Variants in NXPE4 observed in about 807,000 individuals in gnomAD.
The protein encoded by NXPE4 is NXPE family member 4.
In NXPE4, 42 loss-of-function variants were observed where a neutral mutation model predicts 33.3. The observed-to-expected ratio is 1.26, with a 90% CI of 0.98 to 1.63. The LOEUF is 1.63. NXPE4 is among the 40% of genes most tolerant of loss of function. The pLI is 0.00. For synonymous variants in NXPE4, 253 were observed against 234.9 expected (o/e 1.08, Z -0.71); for missense variants, 709 against 647.6 (o/e 1.09, Z -1.03).
At chr11:114,588,868 A>G (rs535021115) in intron 2 of NXPE4, among the ~76,000 whole-genome samples, 1 of 152,302 alleles carries the variant, frequency 6.6e-6, no homozygotes, top group African/African-American at 2.4e-5. Context: ...CAAGTTTATT[A>G]CACAGGCAGC....
At chr11:114,675,424 A>G in the NXPE4 span, among the ~76,000 whole-genome samples, 1 of 151,836 alleles carries the variant, frequency 6.6e-6, no homozygotes, top group Non-Finnish European at 1.5e-5. Flanking sequence ...CTCCACCAAA[A>G]AACTGTTAGA....
At chr11:114,583,934 C>T in intron 2 of NXPE4, 1 of 391,382 alleles carries the variant, frequency 2.6e-6, no homozygotes, top group East Asian at 5.9e-5. Flanking sequence ...TAACTATCTG[C>T]TCCTAGATGG....
intron 2 of NXPE4, among the ~76,000 whole-genome samples, chr11:114,588,078 T>A (rs77403357): frequency 0.085 from 12,859 of 152,158 alleles, 673 homozygotes; most frequent in Middle Eastern, 0.2. Context: ...CTTTCAGCAG[T>A]CATATCAGGA....
the NXPE4 span, among the ~76,000 whole-genome samples, chr11:114,640,998 T>C: frequency 2.6e-5 from 4 of 151,984 alleles, no homozygotes; most frequent in East Asian, 1.9e-4. Context: ...ATCAACATCA[T>C]TGGAGAATGA....
chr11:114,635,161 C>T, the NXPE4 span, among the ~76,000 whole-genome samples: 4 of 150,506 alleles, frequency 2.7e-5, no homozygotes, highest in African/African-American at 9.8e-5. Context: ...TTGTAGTTCT[C>T]CTTGAAGAGT....
At chr11:114,617,404 G>A in the NXPE4 span, among the ~76,000 whole-genome samples, 898 of 151,884 alleles carry the variant, frequency 5.9e-3, 3 homozygotes, top group African/African-American at 0.02. Context: ...GTATTGCCTC[G>A]TGGGTAACCA....
intron 2 of NXPE4, chr11:114,583,256 G>T: frequency 1.5e-6 from 1 of 667,814 alleles, no homozygotes; most frequent in African/African-American, 1.8e-5. Flanking sequence ...GAGCAAGATG[G>T]CGCAAAGGCA....
intron 2 of NXPE4, 56 bp downstream of exon 2, chr11:114,594,608 T>C: frequency 9.0e-7 from 1 of 1,113,868 alleles, no homozygotes; most frequent in Non-Finnish European, 1.4e-6. Context: ...CTAGAACAGA[T>C]GAGGTAATAA....
the NXPE4 span, among the ~76,000 whole-genome samples, chr11:114,620,067 G>A: frequency 1.3e-5 from 2 of 151,878 alleles, no homozygotes; most frequent in African/African-American, 4.8e-5. Context: ...CTGTTACCTG[G>A]TGTATAATAA....
chr11:114,585,264 T>C (rs947370898), intron 2 of NXPE4, among the ~76,000 whole-genome samples: 9 of 151,926 alleles, frequency 5.9e-5, no homozygotes, highest in East Asian at 2.0e-4. Context: ...TTTGAGATAC[T>C]ATTTTTATTT....
the NXPE4 span, among the ~76,000 whole-genome samples, chr11:114,619,070 A>G: frequency 2.6e-5 from 4 of 151,952 alleles, no homozygotes; most frequent in African/African-American, 9.7e-5. Context: ...CTGGTGGATA[A>G]TAAGTATTGC....
chr11:114,574,023 C>G (rs1948946391), intron 5 of NXPE4, among the ~76,000 whole-genome samples: 2 of 151,986 alleles, frequency 1.3e-5, no homozygotes, highest in Admixed American at 6.6e-5. Flanking sequence ...TCTCAGACCA[C>G]AGTGGAATAA....
At chr11:114,659,645 T>C in the NXPE4 span, among the ~76,000 whole-genome samples, 1 of 152,064 alleles carries the variant, frequency 6.6e-6, no homozygotes, top group Non-Finnish European at 1.5e-5. Flanking sequence ...GAAAATAATA[T>C]ATCAAAATAT....
At chr11:114,595,175 A>G (rs1195740009) in intron 1 of NXPE4, among the ~76,000 whole-genome samples, 1 of 152,186 alleles carries the variant, frequency 6.6e-6, no homozygotes, top group East Asian at 1.9e-4. Flanking sequence ...ACATCATTAC[A>G]GTGCCTGTTG....
the NXPE4 span, among the ~76,000 whole-genome samples, chr11:114,627,251 G>A: frequency 2.6e-5 from 4 of 152,094 alleles, no homozygotes; most frequent in African/African-American, 9.6e-5. Flanking sequence ...AGGAAAAAAT[G>A]TTAAAGGCAG....
chr11:114,617,509 G>T, the NXPE4 span, among the ~76,000 whole-genome samples: 1 of 151,534 alleles, frequency 6.6e-6, no homozygotes, highest in Non-Finnish European at 1.5e-5. Context: ...CTGTTAACCG[G>T]TGGATAATAC....
the NXPE4 span, among the ~76,000 whole-genome samples, chr11:114,609,942 G>C: frequency 2.0e-5 from 3 of 151,574 alleles, no homozygotes; most frequent in Non-Finnish European, 2.9e-5. Flanking sequence ...GTGTTGCCTC[G>C]TGGGTAACCA....
At chr11:114,612,890 A>G in the NXPE4 span, among the ~76,000 whole-genome samples, 1 of 151,730 alleles carries the variant, frequency 6.6e-6, no homozygotes, top group Non-Finnish European at 1.5e-5. Context: ...GTGTTGCCTC[A>G]CGGGTAAGCA....
the NXPE4 span, among the ~76,000 whole-genome samples, chr11:114,611,743 G>T: frequency 4.6e-5 from 7 of 151,562 alleles, no homozygotes; most frequent in African/African-American, 1.2e-4. Flanking sequence ...TTAGCCAGTT[G>T]ATACTAAGTA....
Sources: allele counts gnomAD v4.1 joint callset (sites outside exome capture counted in the v4.1 genomes callset), GRCh38; gene constraint gnomAD v4.1.1; transcripts MANE v1.5; gene names NCBI Gene and HGNC (gene_info 2026-07-23, HGNC 2026-07-21).